Variants in NFIA observed in about 807,000 individuals in gnomAD.
NFIA encodes the protein nuclear factor 1 A-type.
Under a neutral mutation model 62.8 loss-of-function variants are expected in NFIA, and 8 were observed. The observed-to-expected ratio is 0.13, with a 90% confidence interval of 0.07 to 0.23. The LOEUF is 0.23. Among genes scored for constraint, NFIA ranks in the 10% least tolerant of loss-of-function variants. NFIA has a pLI of 1.00. For missense variants in NFIA, 410 were observed against 642.1 expected, an observed-to-expected ratio of 0.64 and a Z score of 3.91; for synonymous variants, 235 against 238.1, an observed-to-expected ratio of 0.99 and a Z score of 0.12.
intron 2 of NFIA, among the ~76,000 whole-genome samples, chr1:61,203,113 G>A (rs533110072): frequency 6.6e-6 from 1 of 152,340 alleles, no homozygotes. Flanking sequence ...CTGTTGGTGC[G>A]AGAGCTTAAC....
intron 3 of NFIA, among the ~76,000 whole-genome samples, chr1:61,283,458 T>A (rs1658262600): frequency 2.0e-5 from 3 of 151,270 alleles, no homozygotes; most frequent in African/African-American, 7.3e-5. Context: ...GGCAGATGCT[T>A]GTAATCCTAG....
At chr1:61,255,487 A>C (rs1656325483) in intron 2 of NFIA, among the ~76,000 whole-genome samples, 1 of 152,220 alleles carries the variant, frequency 6.6e-6, no homozygotes, top group African/African-American at 2.4e-5. Flanking sequence ...CATAAGTCCG[A>C]ATTTAGAAAG....
intron 2 of NFIA, among the ~76,000 whole-genome samples, chr1:61,182,008 C>G (rs967461194): frequency 6.6e-6 from 1 of 152,092 alleles, no homozygotes; most frequent in Admixed American, 6.5e-5. Context: ...ATTGCTTTGT[C>G]CTTTTTCTCC....
intron 2 of NFIA, among the ~76,000 whole-genome samples, chr1:61,217,198 C>A (rs1439314663): frequency 6.6e-6 from 1 of 150,594 alleles, no homozygotes; most frequent in Middle Eastern, 3.2e-3. Flanking sequence ...CTGGGACTGC[C>A]GGCACATGCC....
intron 9 of NFIA, among the ~76,000 whole-genome samples, chr1:61,416,894 G>GA (rs1170692269): frequency 1.3e-5 from 2 of 152,010 alleles, no homozygotes; most frequent in African/African-American, 4.8e-5. Flanking sequence ...GCTTTCCTTT[G>GA]AAAATCTTAA....
At chr1:61,361,694 A>G (rs986352355) in intron 6 of NFIA, among the ~76,000 whole-genome samples, 1 of 152,082 alleles carries the variant, frequency 6.6e-6, no homozygotes, top group African/African-American at 2.4e-5. Context: ...TATGATTCAA[A>G]CGATCATAAA....
chr1:61,236,569 A>G (rs1461433382), intron 2 of NFIA, among the ~76,000 whole-genome samples: 1 of 152,134 alleles, frequency 6.6e-6, no homozygotes, highest in Non-Finnish European at 1.5e-5. Context: ...TCCAAGCCAC[A>G]CTTTGGCCTA....
At chr1:61,155,629 C>T (rs971925047) in intron 2 of NFIA, among the ~76,000 whole-genome samples, 2 of 138,908 alleles carry the variant, frequency 1.4e-5, no homozygotes, top group Admixed American at 7.6e-5. Flanking sequence ...GCCGAGATTG[C>T]GCCACTGCAG....
At chr1:61,095,614 A>T (rs908237287) in intron 2 of NFIA, among the ~76,000 whole-genome samples, 1 of 152,252 alleles carries the variant, frequency 6.6e-6, no homozygotes, top group Non-Finnish European at 1.5e-5. Context: ...TGTTAGCCAC[A>T]GAATGAGGCC....
rs77676683 is a variant in NFIA at position 61,300,707 on chromosome 1, G to GTATA, written c.625+23128_625+23131dup. On this transcript the variant is annotated intron_variant, in intron 3 of 10. Coordinates refer to ENST00000403491, the MANE Select transcript of NFIA (RefSeq NM_001134673.4). ...CCATATGTAAGCTGGCTATATATGTGTATATATATGTATATACACACACAC... is the reference window on the plus strand; with the variant it reads ...CCATATGTAAGCTGGCTATATATGTGTATATATATATATGTATATACACACACAC... 1.7e-4 allele frequency among the ~76,000 whole-genome samples: 26 copies of GTATA among 151,578 alleles called. No homozygotes were observed. In the East Asian group the frequency reaches 4.7e-3, roughly 27 times the overall value.
chr1:61,453,398 C>A (rs1405583667), intron 10 of NFIA, among the ~76,000 whole-genome samples: 1 of 150,166 alleles, frequency 6.7e-6, no homozygotes, highest in Non-Finnish European at 1.5e-5. Context: ...TCTGGGGTAA[C>A]CTTGTCGGCA....
intron 2 of NFIA, among the ~76,000 whole-genome samples, chr1:61,220,557 AAAG>A (rs1350281857): frequency 6.6e-6 from 1 of 152,250 alleles, no homozygotes; most frequent in Non-Finnish European, 1.5e-5. Context: ...TTTACAATTC[AAAG>A]AAGAATTGTA....
At chr1:61,363,073 T>G (rs1339444339) in intron 6 of NFIA, among the ~76,000 whole-genome samples, 1 of 152,148 alleles carries the variant, frequency 6.6e-6, no homozygotes, top group Non-Finnish European at 1.5e-5. Context: ...ATTAACCTCC[T>G]TTAAAATATG....
At chr1:61,225,629 G>T (rs75125175) in intron 2 of NFIA, among the ~76,000 whole-genome samples, 3 of 146,070 alleles carry the variant, frequency 2.1e-5, no homozygotes, top group African/African-American at 7.7e-5. Context: ...ATCACCAAAA[G>T]GAAGTTTGCT....
At chr1:61,245,506 G>T (rs1655584976) in intron 2 of NFIA, among the ~76,000 whole-genome samples, 1 of 151,932 alleles carries the variant, frequency 6.6e-6, no homozygotes, top group Non-Finnish European at 1.5e-5. Context: ...ATTAATAATT[G>T]ATTATTATTT....
intron 3 of NFIA, among the ~76,000 whole-genome samples, chr1:61,317,811 A>G (rs966590828): frequency 2.0e-5 from 3 of 152,112 alleles, no homozygotes; most frequent in African/African-American, 7.2e-5. Context: ...TTTGTTATTT[A>G]TAACAGTTAT....
intron 2 of NFIA, among the ~76,000 whole-genome samples, chr1:61,274,077 G>C (rs1657670646): frequency 6.6e-6 from 1 of 152,162 alleles, no homozygotes. Flanking sequence ...TGGAAGCAGA[G>C]ACAAATATGT....
intron 4 of NFIA, among the ~76,000 whole-genome samples, chr1:61,348,759 G>A (rs977227668): frequency 3.9e-5 from 6 of 152,138 alleles, no homozygotes; most frequent in Non-Finnish European, 7.4e-5. Context: ...TCTTCTCTCC[G>A]TCTGATCAAG....
intron 2 of NFIA, among the ~76,000 whole-genome samples, chr1:61,255,840 C>T (rs922101545): frequency 1.2e-4 from 18 of 152,208 alleles, no homozygotes; most frequent in Admixed American, 2.6e-4. Flanking sequence ...ATGAAAACTT[C>T]GGTACTTTGT....
Sources: gnomAD v4.1 joint callset for allele counts (sites outside exome capture counted in the v4.1 genomes callset) on GRCh38, gnomAD v4.1.1 for gene constraint, MANE v1.5 for transcripts, NCBI Gene and HGNC (gene_info 2026-07-23, HGNC 2026-07-21) for gene names.